Variants in GPC5 observed in about 807,000 individuals in gnomAD.
GPC5 encodes the protein glypican-5.
GPC5 carries 47 observed loss-of-function variants against 53.9 expected under a neutral mutation model. That is an observed-to-expected ratio of 0.87 (90% confidence interval 0.69 to 1.11). The LOEUF (loss-of-function observed/expected upper bound fraction) is 1.11, where lower values mean the gene tolerates loss of function less well. Ranked by LOEUF, GPC5 falls within the 50% of genes most tolerant of loss-of-function variation. The probability of loss-of-function intolerance (pLI) is 0.00; values close to 1 mark genes in which losing one functional copy is unlikely to be tolerated. For missense variants in GPC5, 748 were observed against 713.1 expected (o/e 1.05, Z -0.56); for synonymous variants, 286 against 263.3 (o/e 1.09, Z -0.84).
intron 7 of GPC5, among the ~76,000 whole-genome samples, chr13:92,834,041 A>G (rs920843082): frequency 1.3e-5 from 2 of 152,156 alleles, no homozygotes; most frequent in African/African-American, 2.4e-5. Flanking sequence ...GAAAGCACCA[A>G]TAATGGTCTG....
At chr13:92,228,444 C>T (rs528995806) in intron 7 of GPC5, among the ~76,000 whole-genome samples, 109 of 152,088 alleles carry the variant, frequency 7.2e-4, no homozygotes, top group Non-Finnish European at 1.4e-3. Flanking sequence ...AGGTCCTTTA[C>T]ACATTTAATA....
At chr13:92,206,096 C>CAT (rs1218109523) in intron 7 of GPC5, among the ~76,000 whole-genome samples, 97 of 147,824 alleles carry the variant, frequency 6.6e-4, no homozygotes, top group Admixed American at 2.6e-3. Flanking sequence ...AATGTCATTC[C>CAT]ATATATATAT....
At chr13:92,851,078 T>C (rs1766104090) in intron 7 of GPC5, among the ~76,000 whole-genome samples, 1 of 152,076 alleles carries the variant, frequency 6.6e-6, no homozygotes. Flanking sequence ...ATGTCTTACA[T>C]TTCCAGAGCA....
chr13:91,671,571 A>G (rs1479551051), intron 2 of GPC5, among the ~76,000 whole-genome samples: 1 of 152,080 alleles, frequency 6.6e-6, no homozygotes, highest in Non-Finnish European at 1.5e-5. Flanking sequence ...GCTCAAGGAA[A>G]TAAGAGGACA....
At chr13:91,957,421 G>T (rs965971354) in intron 6 of GPC5, among the ~76,000 whole-genome samples, 15 of 152,226 alleles carry the variant, frequency 9.9e-5, no homozygotes, top group Admixed American at 7.8e-4. Flanking sequence ...AATAATAGCT[G>T]AAAATTTCCC....
chr13:92,830,157 C>T (rs1348902467), intron 7 of GPC5, among the ~76,000 whole-genome samples: 1 of 152,126 alleles, frequency 6.6e-6, no homozygotes, highest in African/African-American at 2.4e-5. Context: ...CTTGCATAAA[C>T]GTCCCTGGCT....
At chr13:91,984,549 G>A (rs895224599) in intron 6 of GPC5, among the ~76,000 whole-genome samples, 4 of 152,126 alleles carry the variant, frequency 2.6e-5, no homozygotes, top group Admixed American at 6.5e-5. Flanking sequence ...CATAAATATT[G>A]AATTTATGAT....
chr13:92,521,694 T>A (rs1881055320), intron 7 of GPC5, among the ~76,000 whole-genome samples: 1 of 152,106 alleles, frequency 6.6e-6, no homozygotes, highest in Admixed American at 6.6e-5. Flanking sequence ...ACCTAGGCAA[T>A]ACCATTCAGG....
Position 92,190,823 on chromosome 13 carries a change from CAGAT to C in GPC5, c.1561+45838_1561+45841del, listed in dbSNP as rs551626599. Among the ~76,000 whole-genome samples the C allele has an allele frequency of 8.5e-5, 13 of 152,084 alleles. No homozygotes were observed. In the South Asian group the frequency reaches 2.1e-3, roughly 24 times the overall value. On this transcript the variant is annotated intron_variant, in intron 7 of 7. Transcript: ENST00000377067. ...GAAAAACAACAAAGAACAAGGGCATCAGATAGAAAATTATAACAAATACGGTAGG... is the reference window on the plus strand; with the variant it reads ...GAAAAACAACAAAGAACAAGGGCATCAGAAAATTATAACAAATACGGTAGG...
intron 7 of GPC5, among the ~76,000 whole-genome samples, chr13:92,321,258 A>G (rs2043213532): frequency 6.6e-6 from 1 of 152,326 alleles, no homozygotes; most frequent in Admixed American, 6.5e-5. Context: ...AAAAACTTTG[A>G]AATACATAAA....
intron 2 of GPC5, among the ~76,000 whole-genome samples, chr13:91,532,028 G>A (rs1448697698): frequency 6.6e-6 from 1 of 152,062 alleles, no homozygotes; most frequent in Non-Finnish European, 1.5e-5. Context: ...AGCAGTTATT[G>A]AGCATTTGAT....
intron 7 of GPC5, among the ~76,000 whole-genome samples, chr13:92,712,550 CA>C (rs1229008889): frequency 6.6e-6 from 1 of 151,872 alleles, no homozygotes; most frequent in Non-Finnish European, 1.5e-5. Flanking sequence ...ATACCAAAAC[CA>C]CGATCCATAA....
At chr13:92,423,049 A>C (rs1464406265) in intron 7 of GPC5, among the ~76,000 whole-genome samples, 1 of 152,200 alleles carries the variant, frequency 6.6e-6, no homozygotes, top group Non-Finnish European at 1.5e-5. Flanking sequence ...CAGTACATTG[A>C]GTGTAGAGTG....
At chr13:92,600,332 C>T (rs1884006903) in intron 7 of GPC5, among the ~76,000 whole-genome samples, 1 of 152,046 alleles carries the variant, frequency 6.6e-6, no homozygotes, top group Non-Finnish European at 1.5e-5. Flanking sequence ...TGTTTTTTGA[C>T]TTTCTTAAGG....
At chr13:92,426,852 T>C (rs896240920) in intron 7 of GPC5, among the ~76,000 whole-genome samples, 1 of 152,004 alleles carries the variant, frequency 6.6e-6, no homozygotes. Context: ...TGCAATAGAT[T>C]TATCTACTTA....
In GPC5 at chr13:92,549,763, G is replaced by T. The variant is rs560406734; in HGVS notation, c.1562-316519G>T. Among the ~76,000 whole-genome samples the T allele has an allele frequency of 7.2e-5, 11 of 151,874 alleles. No individual in the cohort carries two copies. In the East Asian group the frequency reaches 1.9e-3, roughly 27 times the overall value. On this transcript the variant is annotated intron_variant, in intron 7 of 7. Coordinates refer to ENST00000377067, the MANE Select transcript of GPC5 (RefSeq NM_004466.6). ...TCCATTTTACATCCTCAAACAGTTT[G>T]CCTTTTTCTCATTTGACTTTCTGAT...
At chr13:92,439,432 T>C (rs1180993797) in intron 7 of GPC5, among the ~76,000 whole-genome samples, 1 of 152,180 alleles carries the variant, frequency 6.6e-6, no homozygotes, top group Non-Finnish European at 1.5e-5. Flanking sequence ...TAGGAATAAA[T>C]CTGAATACTT....
intron 6 of GPC5, among the ~76,000 whole-genome samples, chr13:92,137,252 G>T (rs1193692692): frequency 6.6e-6 from 1 of 152,196 alleles, no homozygotes; most frequent in East Asian, 1.9e-4. Context: ...TTAATGTGTG[G>T]CTGGAATTCA....
At chr13:92,120,044 A>G (rs2041636042) in intron 6 of GPC5, among the ~76,000 whole-genome samples, 1 of 152,192 alleles carries the variant, frequency 6.6e-6, no homozygotes, top group Admixed American at 6.5e-5. Context: ...AACAGATTCT[A>G]TAAAAGTTGC....
Sources: allele counts gnomAD v4.1 joint callset (sites outside exome capture counted in the v4.1 genomes callset), GRCh38; gene constraint gnomAD v4.1.1; transcripts MANE v1.5; gene names NCBI Gene and HGNC (gene_info 2026-07-23, HGNC 2026-07-21).